MOV10L1: variants seen among roughly 807,000 people sequenced by gnomAD.
MOV10L1 encodes the protein Mov10 like RNA helicase 1.
Under a neutral mutation model 143.8 loss-of-function variants are expected in MOV10L1, and 110 were observed. The observed-to-expected ratio is 0.76, with a 90% CI of 0.66 to 0.90. The LOEUF is 0.90. Among genes scored for constraint, MOV10L1 ranks in the 40% least tolerant of loss-of-function variants. The pLI is 0.00. For missense variants in MOV10L1, 1,406 were observed against 1,526.8 expected (o/e 0.92, Z 1.32); for synonymous variants, 593 against 581.1 (o/e 1.02, Z -0.29).
chr22:50,107,399 C>A (rs1430189556), intron 3 of MOV10L1, among the ~76,000 whole-genome samples: 1 of 152,218 alleles, frequency 6.6e-6, no homozygotes, highest in African/African-American at 2.4e-5. Flanking sequence ...CCATGGCTCA[C>A]ATGTCGAATG....
intron 10 of MOV10L1, 22 bp downstream of exon 10, chr22:50,120,638 G>T: frequency 2.0e-6 from 3 of 1,518,510 alleles, no homozygotes; most frequent in Non-Finnish European, 2.7e-6. Flanking sequence ...CTCATGGCCT[G>T]TGGGGTGTTG....
At chr22:50,144,599 T>G (rs1862482181) in intron 18 of MOV10L1, among the ~76,000 whole-genome samples, 1 of 151,572 alleles carries the variant, frequency 6.6e-6, no homozygotes, top group African/African-American at 2.4e-5. Context: ...TTTTTTTTTT[T>G]GAGACGGAGT....
chr22:50,149,431 TCTC>T, intron 19 of MOV10L1, 181 bp from the exon 20 acceptor site: 1 of 596,468 alleles, frequency 1.7e-6, no homozygotes, highest in Non-Finnish European at 3.0e-6. Context: ...TGGCTTAGCA[TCTC>T]CTGACACCTG....
At position 50,117,271 on chromosome 22, in the gene MOV10L1, A is replaced by G. The variant is rs1215254094; in HGVS notation, c.1374A>G (p.Glu458=). The change falls in exon 9 of 27, where the codon GAA becomes GAG. Residue 458 remains glutamate, a synonymous_variant. Transcript: ENST00000262794. The part of the protein sequence containing the change: ...SGEESLIAAR[E]PFSWKKLKSS... Reference sequence around the variant, plus strand: ...AGGAGTCACTAATTGCTGCGCGCGAACCATTTTCTTGGAAAAAGCTTAAAA... The same window carrying G: ...AGGAGTCACTAATTGCTGCGCGCGAGCCATTTTCTTGGAAAAAGCTTAAAA... 2 of 1,614,198 alleles carry G rather than the reference A, an allele frequency of 1.2e-6. No homozygotes were observed. The highest frequency in any genetic ancestry group is 4.5e-5 in the East Asian group (2 of 44,874).
chr22:50,140,193 A>G lies in MOV10L1; in HGVS notation c.2071-1888A>G, dbSNP rs565172402. ...ATGCAACAACACAGGTGGCTCTCCAATGAATCACACTGTGTGCATTTATAT... is the reference window on the plus strand; with the variant it reads ...ATGCAACAACACAGGTGGCTCTCCAGTGAATCACACTGTGTGCATTTATAT... On this transcript the variant is annotated intron_variant, in intron 15 of 26. Coordinates refer to ENST00000262794, the MANE Select transcript of MOV10L1 (RefSeq NM_018995.3). Among the ~76,000 whole-genome samples, 38 of 152,318 alleles carry G rather than the reference A, an allele frequency of 2.5e-4. No individual in the cohort carries two copies. The South Asian group carries it at 3.1e-3, about 12-fold the overall frequency.
chr22:50,122,518 C>T (rs1300273441), intron 10 of MOV10L1, among the ~76,000 whole-genome samples: 1 of 152,138 alleles, frequency 6.6e-6, no homozygotes, highest in African/African-American at 2.4e-5. Flanking sequence ...TTCTTCCTTT[C>T]CAATTTAGAT....
chr22:50,134,423 A>G, intron 14 of MOV10L1, 107 bp from the exon 15 acceptor site: 1 of 818,314 alleles, frequency 1.2e-6, no homozygotes. Flanking sequence ...TAAGAAAGGA[A>G]GGGAATAGAA....
chr22:50,108,601 G>A lies in MOV10L1; in HGVS notation c.556-56G>A, dbSNP rs2061937948. On this transcript the variant is annotated intron_variant, in intron 4 of 26. Coordinates refer to ENST00000262794, the MANE Select transcript of MOV10L1 (RefSeq NM_018995.3). ...GCTGACTTGGGCGTGTGTTAGAGCTGCGCCCTGTCGTCATGCAGCATCTGC... is the reference window on the plus strand; with the variant it reads ...GCTGACTTGGGCGTGTGTTAGAGCTACGCCCTGTCGTCATGCAGCATCTGC... 4.4e-6 allele frequency: 7 copies of A among 1,589,096 alleles called. No individual in the cohort carries two copies. The Admixed American group carries it at 1.0e-4, about 23-fold the overall frequency.
rs1162303168 is a variant in MOV10L1 at position 50,144,129 on chromosome 22, A to G, written c.2391A>G (p.Leu797=). 1 of 1,612,204 alleles carries G rather than the reference A, an allele frequency of 6.2e-7. No individual in the cohort carries two copies. Among genetic ancestry groups the G allele is most frequent in the Admixed American group, 1.7e-5 (1 of 60,002 alleles). The change falls in exon 18 of 27, where the codon TTA becomes TTG. Residue 797 remains leucine (L), a synonymous_variant. Coordinates refer to ENST00000262794, the MANE Select transcript of MOV10L1 (RefSeq NM_018995.3). The part of the protein sequence containing the change: ...VHFALPDSRI[L]VCAPSNSAAD... ...TTGCCTTGCCGGACAGTCGGATTTT[A>G]GTCTGTGCGCCCTCCAACAGTGCTG...
intron 3 of MOV10L1, 37 bp downstream of exon 3, chr22:50,099,639 G>A (rs774299884): frequency 8.2e-6 from 13 of 1,578,572 alleles, no homozygotes; most frequent in Non-Finnish European, 1.1e-5. Context: ...TTGAAAATTA[G>A]GTTTTGTCTT....
At chr22:50,098,421 C>T (rs1317547208) in intron 2 of MOV10L1, among the ~76,000 whole-genome samples, 1 of 152,110 alleles carries the variant, frequency 6.6e-6, no homozygotes, top group African/African-American at 2.4e-5. Context: ...TACGTGTCTT[C>T]CATCTCCTTA....
rs1246569472 is a variant in MOV10L1, at chr22:50,114,590, G to C, written c.1094G>C (p.Ser365Thr). 5 of 1,614,130 alleles carry C rather than the reference G, an allele frequency of 3.1e-6. No individual in the cohort carries two copies. Among genetic ancestry groups the C allele is most frequent in the Non-Finnish European group, 4.2e-6 (5 of 1,180,020 alleles). ...TKNKTSQMSE[S>T]SLVNNRGISP... ...AACAAAACCTCTCAGATGTCGGAGA[G>C]CAGTTTGGTGAACAACAGAGGAATC... The change falls in exon 7 of 27, where the codon AGC (serine) becomes ACC (threonine). Residue 365 changes from serine (S) to threonine (T), a missense_variant. Ser to Thr is a moderately conservative substitution (Grantham distance 58). This residue lies in a region of MOV10L1 where 1,233 missense variants were observed against 1,351.4 expected (regional missense o/e 0.91). Transcript: ENST00000262794.
intron 6 of MOV10L1, 106 bp downstream of exon 6, chr22:50,113,894 T>C: frequency 9.3e-7 from 1 of 1,076,268 alleles, no homozygotes; most frequent in Non-Finnish European, 1.3e-6. Flanking sequence ...TTTATTTTTT[T>C]CTTTATGAAG....
chr22:50,152,442 G>A lies in MOV10L1; in HGVS notation c.2893-603G>A, dbSNP rs1321072669. On this transcript the variant is annotated intron_variant, in intron 21 of 26. Transcript: ENST00000262794. The surrounding 1 kb of genome is among the most constrained non-coding windows in gnomAD (Gnocchi z 4.4). ...GCTGCTTACACCAGCACCAGGGGAA[G>A]AGCACCTGCCCTGAGTGAGCTTCCC... Among the ~76,000 whole-genome samples the A allele has an allele frequency of 6.6e-6, 1 of 152,214 alleles. No homozygotes were observed. The highest frequency in any genetic ancestry group is 1.5e-5 in the Non-Finnish European group (1 of 68,016).
chr22:50,124,924 G>T (rs141687410), intron 10 of MOV10L1, among the ~76,000 whole-genome samples: 1 of 152,184 alleles, frequency 6.6e-6, no homozygotes, highest in Non-Finnish European at 1.5e-5. Context: ...CCTTTGCTAC[G>T]TGATGTTCAT....
rs753115050 is a variant in MOV10L1 at position 50,108,762 on chromosome 22, G to A, written c.661G>A (p.Asp221Asn). ...LPDGYTPRRG[D>N]VVNAVVVESS... ...AGATGGGTACACACCCCGGAGAGGTGACGTGGTCAATGCAGTGGTGGTGGA... is the reference window on the plus strand; with the variant it reads ...AGATGGGTACACACCCCGGAGAGGTAACGTGGTCAATGCAGTGGTGGTGGA... The change falls in exon 5 of 27, where the codon GAC becomes AAC. Residue 221 changes from aspartate to asparagine, a missense_variant. Physicochemically the swap from Asp to Asn is conservative, Grantham distance 23. Transcript: ENST00000262794. 1.9e-6 allele frequency: 3 copies of A among 1,614,226 alleles called. No individual in the cohort carries two copies. The highest frequency in any genetic ancestry group is 3.3e-5 in the Admixed American group (2 of 60,028).
chr22:50,103,273 C>A (rs1283876411), intron 3 of MOV10L1, among the ~76,000 whole-genome samples: 1 of 152,192 alleles, frequency 6.6e-6, no homozygotes, highest in Non-Finnish European at 1.5e-5. Context: ...CTGGCCTGCT[C>A]CTGAGGTTTG....
chr22:50,099,603 G>A lies in MOV10L1; in HGVS notation c.442+1G>A. 1.2e-6 allele frequency: 2 copies of A among 1,607,440 alleles called. No individual in the cohort carries two copies. The highest frequency in any genetic ancestry group is 1.7e-6 in the Non-Finnish European group (2 of 1,174,472). Reference sequence around the variant, plus strand: ...TTCTCTCTGGAGAGTGTGTGCGAAGGTATGCTCAGGGGTCTGTGTTCCACA... The same window carrying A: ...TTCTCTCTGGAGAGTGTGTGCGAAGATATGCTCAGGGGTCTGTGTTCCACA... On this transcript the variant is annotated splice_donor_variant, in intron 3 of 26. Coordinates refer to ENST00000262794, the MANE Select transcript of MOV10L1 (RefSeq NM_018995.3). LOFTEE classifies it high-confidence loss of function.
At chr22:50,109,843 AAAAAT>A (rs2061975025) in intron 5 of MOV10L1, among the ~76,000 whole-genome samples, 1 of 151,910 alleles carries the variant, frequency 6.6e-6, no homozygotes, top group Non-Finnish European at 1.5e-5. Context: ...CTCTGTCTTA[AAAAAT>A]AAAAAGAGAA....
Sources: allele counts gnomAD v4.1 joint callset (sites outside exome capture counted in the v4.1 genomes callset), GRCh38; gene constraint gnomAD v4.1.1; regional missense constraint gnomAD v4.1.1; non-coding constraint Gnocchi (gnomAD v3.1); transcripts MANE v1.5; gene names NCBI Gene and HGNC (gene_info 2026-07-23, HGNC 2026-07-21).